MPRIP: variants seen among roughly 807,000 people sequenced by gnomAD.
MPRIP encodes myosin phosphatase Rho-interacting protein.
A neutral mutation model predicts 234.9 loss-of-function variants in MPRIP; 59 were observed. The ratio of observed to expected loss-of-function variants is 0.25; its 90% CI spans 0.20 to 0.31. MPRIP has a LOEUF of 0.31. MPRIP is among the 10% of genes least tolerant of loss of function. The pLI, the probability that MPRIP is intolerant of heterozygous loss-of-function variation, is 1.00. For synonymous variants in MPRIP, 1,144 were observed against 1,263.9 expected, an observed-to-expected ratio of 0.91 and a Z score of 2.01; for missense variants, 2,436 against 3,071.0, an observed-to-expected ratio of 0.79 and a Z score of 4.89.
At chr17:17,142,947 G>A (rs185117833) in intron 8 of MPRIP, among the ~76,000 whole-genome samples, 182 bp downstream of exon 8, 1 of 152,224 alleles carries the variant, frequency 6.6e-6, no homozygotes, top group East Asian at 1.9e-4. Context: ...TCATATCAGA[G>A]CCTTCTCCGT....
At chr17:17,049,776 C>G (rs1278333988) in intron 1 of MPRIP, among the ~76,000 whole-genome samples, 1 of 152,244 alleles carries the variant, frequency 6.6e-6, no homozygotes, top group East Asian at 1.9e-4. Context: ...AGAAAAGCAG[C>G]TGGTGGGCCA....
rs1315268101 is a variant in MPRIP at position 17,171,868 on chromosome 17, T to TG, written c.6472+9dup. 2.0e-6 allele frequency: 3 copies of TG among 1,535,276 alleles called. No homozygotes were observed. The highest frequency in any genetic ancestry group is 1.7e-6 in the Non-Finnish European group (2 of 1,154,608). On this transcript the variant is annotated splice_donor_region_variant and intron_variant, in intron 17 of 23. Transcript: ENST00000651222. ...GGAGACAGCGGCCACCATCTCAGGT[T>TG]GGGGGGTGGGGTAACCCTGAGGGCA... is the stretch of plus-strand genomic sequence containing the variant.
intron 3 of MPRIP, among the ~76,000 whole-genome samples, chr17:17,123,477 A>C (rs1663780129): frequency 6.6e-6 from 1 of 152,194 alleles, no homozygotes; most frequent in Non-Finnish European, 1.5e-5. Context: ...AGCCTGGCCA[A>C]CATGGTGAAA....
At chr17:17,115,576 T>C (rs530560704) in intron 3 of MPRIP, among the ~76,000 whole-genome samples, 1 of 152,220 alleles carries the variant, frequency 6.6e-6, no homozygotes, top group Non-Finnish European at 1.5e-5. Context: ...CAGGTCATTG[T>C]CTTTGAGGAT....
chr17:17,143,531 G>A, intron 8 of MPRIP, 25 bp from the exon 9 acceptor site: 1 of 1,529,428 alleles, frequency 6.5e-7, no homozygotes, highest in Middle Eastern at 1.7e-4. Context: ...GGGCTGCACT[G>A]ACCAGCGGCT....
At chr17:17,127,414 G>A (rs1329452281) in intron 4 of MPRIP, among the ~76,000 whole-genome samples, 1 of 152,236 alleles carries the variant, frequency 6.6e-6, no homozygotes. Flanking sequence ...CACTCACCCA[G>A]GTCCCCTGAG....
intron 1 of MPRIP, among the ~76,000 whole-genome samples, chr17:17,072,466 A>C (rs2089219673): frequency 6.6e-6 from 1 of 152,180 alleles, no homozygotes; most frequent in African/African-American, 2.4e-5. Context: ...GTGGGGGGCA[A>C]GACATGTCAT....
chr17:17,175,197 A>T (rs2046228296), intron 19 of MPRIP, 96 bp from the exon 20 acceptor site: 1 of 1,570,948 alleles, frequency 6.4e-7, no homozygotes, highest in African/African-American at 1.4e-5. Context: ...TTCCACAGAT[A>T]CACAAAGAAC....
intron 9 of MPRIP, among the ~76,000 whole-genome samples, chr17:17,145,308 A>G (rs1468122169): frequency 4.6e-5 from 7 of 152,180 alleles, no homozygotes; most frequent in Non-Finnish European, 5.9e-5. Context: ...TTCTGCTCAG[A>G]TGGCTGTAGA....
At chr17:17,156,462 A>G (rs1039954773) in intron 13 of MPRIP, among the ~76,000 whole-genome samples, 6 of 152,186 alleles carry the variant, frequency 3.9e-5, no homozygotes, top group African/African-American at 9.7e-5. Flanking sequence ...TTATTTGAGG[A>G]AAAATGTGAG....
intron 7 of MPRIP, among the ~76,000 whole-genome samples, chr17:17,140,105 G>A (rs957448083): frequency 1.3e-5 from 2 of 152,210 alleles, no homozygotes; most frequent in Non-Finnish European, 2.9e-5. Flanking sequence ...AAAGGGTTTT[G>A]CTAGAGAGAG....
intron 3 of MPRIP, among the ~76,000 whole-genome samples, chr17:17,113,880 CTTTTCTTTTTTTT>C (rs1202982591): frequency 1.1e-5 from 1 of 93,230 alleles, no homozygotes; most frequent in Non-Finnish European, 2.0e-5. Flanking sequence ...CTTTTCTTTT[CTTTTCTTTTTTTT>C]TTTTTTTTTT....
intron 1 of MPRIP, among the ~76,000 whole-genome samples, chr17:17,066,773 A>T: frequency 1.7e-5 from 1 of 58,464 alleles, no homozygotes; most frequent in Non-Finnish European, 3.4e-5. Flanking sequence ...TTTTTTTGAG[A>T]CAGTGTCTTG....
At chr17:17,142,427 C>T (rs921092711) in intron 7 of MPRIP, 200 bp from the exon 8 acceptor site, 6 of 584,140 alleles carry the variant, frequency 1.0e-5, no homozygotes, top group African/African-American at 3.8e-5. Flanking sequence ...TAGGGGCAAG[C>T]GCAGGCCTGA....
In MPRIP at chr17:17,158,882, G is replaced by T. The variant is rs752989874; in HGVS notation, c.2280G>T (p.Gln760His). 6.2e-7 allele frequency: 1 copy of T among 1,612,046 alleles called. No individual in the cohort carries two copies. The highest frequency in any genetic ancestry group is 1.1e-5 in the South Asian group (1 of 91,058). The change falls in exon 14 of 24, where the codon CAG becomes CAT. Residue 760 changes from glutamine to histidine, a missense_variant. Coordinates refer to ENST00000651222, the MANE Select transcript of MPRIP (RefSeq NM_001364716.4). ...VHVEIEQRWH[Q>H]VETTPLREEK... ...TGGAGATTGAGCAGCGGTGGCATCA[G>T]GTGGAGACCACACCTCTCCGGGAAG...
rs1024769210 is a variant in MPRIP at position 17,078,940 on chromosome 17, C to T, written c.267+864C>T. Reference sequence around the variant, plus strand: ...GGGACTGTCCTGGAAAGCCTAGTCTCACTATGTAAAATAGGCAGCCCCTGC... The same window carrying T: ...GGGACTGTCCTGGAAAGCCTAGTCTTACTATGTAAAATAGGCAGCCCCTGC... On this transcript the variant is annotated intron_variant, in intron 3 of 23. Coordinates refer to ENST00000651222, the MANE Select transcript of MPRIP (RefSeq NM_001364716.4). The surrounding 1 kb of genome is among the most constrained non-coding windows in gnomAD (Gnocchi z 4.3). Among the ~76,000 whole-genome samples the T allele has an allele frequency of 1.3e-5, 2 of 152,188 alleles. No homozygotes were observed. The highest frequency in any genetic ancestry group is 4.8e-5 in the African/African-American group (2 of 41,432).
At chr17:17,140,179 G>A (rs1195791087) in intron 7 of MPRIP, among the ~76,000 whole-genome samples, 1 of 152,202 alleles carries the variant, frequency 6.6e-6, no homozygotes, top group Admixed American at 6.5e-5. Context: ...GTGTGTCGTG[G>A]TGGCTCCAGA....
At chr17:17,134,425 G>A (rs1055022922) in intron 5 of MPRIP, among the ~76,000 whole-genome samples, 20 of 152,194 alleles carry the variant, frequency 1.3e-4, no homozygotes, top group Admixed American at 2.6e-4. Flanking sequence ...TCGTCCTGGG[G>A]CGGCATCCCC....
chr17:17,043,611 C>G (rs922137740), intron 1 of MPRIP, among the ~76,000 whole-genome samples: 1 of 152,186 alleles, frequency 6.6e-6, no homozygotes, highest in Non-Finnish European at 1.5e-5. Flanking sequence ...TCAAACAGGG[C>G]TTTGAACTAG....
Sources: gnomAD v4.1 joint callset for allele counts (sites outside exome capture counted in the v4.1 genomes callset) on GRCh38, gnomAD v4.1.1 for gene constraint, Gnocchi (gnomAD v3.1) non-coding constraint, MANE v1.5 for transcripts, NCBI Gene and HGNC (gene_info 2026-07-23, HGNC 2026-07-21) for gene names.